Variants in SEMA6D observed in about 807,000 individuals in gnomAD.
SEMA6D encodes semaphorin-6D.
In SEMA6D, 35 loss-of-function variants were observed where a neutral mutation model predicts 106.6. That is an observed-to-expected ratio of 0.33 (90% CI 0.25 to 0.44). The LOEUF (loss-of-function observed/expected upper bound fraction) is 0.44. Ranked by LOEUF, SEMA6D falls within the 20% of genes least tolerant of loss-of-function variation. The pLI, the probability that SEMA6D is intolerant of heterozygous loss-of-function variation, is 1.00. For missense variants in SEMA6D, 1,185 were observed against 1,345.9 expected (o/e 0.88, Z 1.87); for synonymous variants, 499 against 487.7 (o/e 1.02, Z -0.31).
At chr15:47,622,571 C>T (rs529568764) in intron 4 of SEMA6D, among the ~76,000 whole-genome samples, 2 of 152,128 alleles carry the variant, frequency 1.3e-5, no homozygotes, top group South Asian at 2.1e-4. Flanking sequence ...CTGCAGAAGC[C>T]GACCCCAAAA....
intron 2 of SEMA6D, among the ~76,000 whole-genome samples, chr15:47,428,078 TA>T (rs1318662401): frequency 6.6e-6 from 1 of 152,016 alleles, no homozygotes; most frequent in East Asian, 1.9e-4. Context: ...GATCTATGCT[TA>T]AAAAATGTAA....
chr15:47,360,307 G>A (rs751226219), intron 1 of SEMA6D, among the ~76,000 whole-genome samples: 4 of 152,182 alleles, frequency 2.6e-5, no homozygotes, highest in African/African-American at 9.7e-5. Context: ...TGTTGAGCCT[G>A]CATAGCAGAT....
chr15:47,487,062 G>A (rs1283088763), intron 3 of SEMA6D, among the ~76,000 whole-genome samples: 2 of 152,124 alleles, frequency 1.3e-5, no homozygotes, highest in Non-Finnish European at 2.9e-5. Context: ...ATATGCAAAT[G>A]AATATTTAAA....
At chr15:47,367,825 A>T (rs13329568) in intron 1 of SEMA6D, among the ~76,000 whole-genome samples, 23,846 of 152,150 alleles carry the variant, frequency 0.16, 2,792 homozygotes, top group African/African-American at 0.32. Flanking sequence ...CATCTCTTTA[A>T]CATCTTAATT....
At chr15:47,751,539 A>G (rs1249995461) in intron 1 of SEMA6D, among the ~76,000 whole-genome samples, 3 of 152,148 alleles carry the variant, frequency 2.0e-5, no homozygotes, top group Admixed American at 6.5e-5. Context: ...TCTTTGTGCC[A>G]CAGGTCTAGT....
At chr15:47,587,089 G>A (rs898474529) in intron 3 of SEMA6D, among the ~76,000 whole-genome samples, 4 of 152,126 alleles carry the variant, frequency 2.6e-5, no homozygotes, top group Non-Finnish European at 4.4e-5. Context: ...TTCAGCATTC[G>A]TTGATGGGCC....
chr15:47,241,610 G>A (rs2032912614), intron 1 of SEMA6D, among the ~76,000 whole-genome samples: 1 of 151,558 alleles, frequency 6.6e-6, no homozygotes, highest in Non-Finnish European at 1.5e-5. Flanking sequence ...ACATGACCCA[G>A]AGTGGAGCTT....
chr15:47,460,414 C>G (rs576019353), intron 2 of SEMA6D, among the ~76,000 whole-genome samples: 1 of 151,906 alleles, frequency 6.6e-6, no homozygotes, highest in African/African-American at 2.4e-5. Flanking sequence ...TAGAGTAGTC[C>G]GAGAAATCAT....
At chr15:47,591,355 C>G (rs536520354) in intron 3 of SEMA6D, among the ~76,000 whole-genome samples, 1 of 152,220 alleles carries the variant, frequency 6.6e-6, no homozygotes, top group African/African-American at 2.4e-5. Flanking sequence ...AAACATGCAA[C>G]CCAGTAGCAC....
chr15:47,425,498 A>G, intron 2 of SEMA6D, among the ~76,000 whole-genome samples: 1 of 152,010 alleles, frequency 6.6e-6, no homozygotes, highest in East Asian at 1.9e-4. Flanking sequence ...ATGTTGGCCT[A>G]CAAGGCTAAT....
chr15:47,216,779 ATATAAT>A (rs1352449840), intron 1 of SEMA6D, among the ~76,000 whole-genome samples: 1 of 152,148 alleles, frequency 6.6e-6, no homozygotes, highest in Non-Finnish European at 1.5e-5. Context: ...TAAACATCAA[ATATAAT>A]TAAAGAGATG....
At chr15:47,419,909 A>G (rs2041097099) in intron 2 of SEMA6D, among the ~76,000 whole-genome samples, 1 of 152,132 alleles carries the variant, frequency 6.6e-6, no homozygotes, top group African/African-American at 2.4e-5. Context: ...GTGGTGACTG[A>G]TCTGCCATGG....
chr15:47,256,237 A>C (rs903306470), intron 1 of SEMA6D, among the ~76,000 whole-genome samples: 4 of 152,206 alleles, frequency 2.6e-5, no homozygotes, highest in African/African-American at 9.6e-5. Context: ...AAAAGAAAAA[A>C]AATTTCAAAA....
chr15:47,257,626 G>C (rs188510881), intron 1 of SEMA6D, among the ~76,000 whole-genome samples: 48 of 151,972 alleles, frequency 3.2e-4, no homozygotes, highest in African/African-American at 1.1e-3. Flanking sequence ...TTCCATTAAG[G>C]CTGGGGAACA....
rs545851788 is a variant in SEMA6D, at chr15:47,545,319, A to G, written c.-86-55546A>G. ...AATTATCCATCACTGGGTGAATACA[A>G]TGGGCACTCATCAATTTCCACTGTA... On this transcript the variant is annotated intron_variant, in intron 3 of 19. Transcript: ENST00000558014. Among the ~76,000 whole-genome samples the G allele has an allele frequency of 2.0e-5, 3 of 152,270 alleles. No homozygotes were observed. In the South Asian group the frequency reaches 6.2e-4, roughly 32 times the overall value.
intron 1 of SEMA6D, among the ~76,000 whole-genome samples, chr15:47,205,578 C>G (rs185454467): frequency 6.6e-6 from 1 of 152,128 alleles, no homozygotes; most frequent in African/African-American, 2.4e-5. Context: ...AAAATGATTA[C>G]TATCAAATAT....
intron 3 of SEMA6D, among the ~76,000 whole-genome samples, chr15:47,511,349 A>G (rs944950835): frequency 7.9e-5 from 12 of 152,218 alleles, no homozygotes; most frequent in Non-Finnish European, 1.2e-4. Context: ...CAATTTTAAC[A>G]GTGGCAAGTG....
At chr15:47,395,533 GGAAAA>G (rs978821916) in intron 1 of SEMA6D, 66 of 152,262 alleles carry the variant, frequency 4.3e-4, no homozygotes, top group African/African-American at 1.6e-3. Flanking sequence ...TATTTTGAAA[GGAAAA>G]GAAAACATTT....
chr15:47,494,071 G>A (rs1188577721), intron 3 of SEMA6D, among the ~76,000 whole-genome samples: 2 of 152,084 alleles, frequency 1.3e-5, no homozygotes, highest in African/African-American at 4.8e-5. Flanking sequence ...AAGCAAAGAA[G>A]CTTCCCACTT....
Sources: gnomAD v4.1 joint callset for allele counts (sites outside exome capture counted in the v4.1 genomes callset) on GRCh38, gnomAD v4.1.1 for gene constraint, MANE v1.5 for transcripts, NCBI Gene and HGNC (gene_info 2026-07-23, HGNC 2026-07-21) for gene names.